Variants in SCAP observed in about 807,000 individuals in gnomAD.
SCAP encodes the protein sterol regulatory element-binding protein cleavage-activating protein.
A neutral mutation model predicts 123.6 loss-of-function variants in SCAP; 65 were observed. The ratio of observed to expected loss-of-function variants is 0.53; its 90% CI spans 0.43 to 0.65. SCAP has a LOEUF of 0.65. Among genes scored for constraint, SCAP ranks in the 30% least tolerant of loss-of-function variants. The probability of loss-of-function intolerance (pLI) is 0.00; values close to 1 mark genes in which losing one functional copy is unlikely to be tolerated. For synonymous variants in SCAP, 740 were observed against 726.3 expected, an observed-to-expected ratio of 1.02 and a Z score of -0.30; for missense variants, 1,398 against 1,712.5, an observed-to-expected ratio of 0.82 and a Z score of 3.24.
At chr3:47,461,556 C>T (rs979711028) in intron 1 of SCAP, among the ~76,000 whole-genome samples, 8 of 152,142 alleles carry the variant, frequency 5.3e-5, no homozygotes, top group African/African-American at 1.4e-4. Context: ...TGGGATCCTC[C>T]AGCACAATAT....
chr3:47,470,929 A>G (rs1001485371), intron 1 of SCAP, among the ~76,000 whole-genome samples: 1 of 152,114 alleles, frequency 6.6e-6, no homozygotes, highest in Non-Finnish European at 1.5e-5. Context: ...CATTTACCCC[A>G]AAGTAACACC....
intron 1 of SCAP, among the ~76,000 whole-genome samples, chr3:47,465,494 C>T (rs1047552261): frequency 2.0e-5 from 3 of 152,170 alleles, no homozygotes; most frequent in African/African-American, 4.8e-5. Flanking sequence ...TGGCCAGGCA[C>T]GGTGGCCCAT....
At chr3:47,442,765 T>C (rs56260584) in intron 2 of SCAP, 107 bp downstream of exon 2, 11,759 of 945,264 alleles carry the variant, frequency 0.012, 104 homozygotes, top group Middle Eastern at 0.028. Flanking sequence ...CAAGCTCCCA[T>C]TGTGTAAAAA....
chr3:47,418,311 C>T lies in SCAP; in HGVS notation c.2331+10G>A, dbSNP rs1190916637. ...GCCCTCCCCTACCCGGCCACTGTGCCCCTGCTCACCATGAGGTGGCCGCGC... is the reference window on the plus strand; with the variant it reads ...GCCCTCCCCTACCCGGCCACTGTGCTCCTGCTCACCATGAGGTGGCCGCGC... On this transcript the variant is annotated intron_variant, in intron 15 of 22. Coordinates refer to ENST00000265565, the MANE Select transcript of SCAP (RefSeq NM_012235.4). 5 of 1,557,332 alleles carry T rather than the reference C, an allele frequency of 3.2e-6. No individual in the cohort carries two copies. Among genetic ancestry groups the T allele is most frequent in the Non-Finnish European group, 4.3e-6 (5 of 1,151,116 alleles).
intron 18 of SCAP, among the ~76,000 whole-genome samples, 180 bp downstream of exon 18, chr3:47,416,938 TTTAA>T (rs989781017): frequency 2.2e-4 from 33 of 152,194 alleles, no homozygotes; most frequent in Admixed American, 2.0e-3. Context: ...CCCTAACGCT[TTTAA>T]TTGTTACCTT....
intron 18 of SCAP, 132 bp from the exon 19 acceptor site, chr3:47,415,312 G>A: frequency 1.4e-6 from 1 of 733,618 alleles, no homozygotes; most frequent in Non-Finnish European, 2.1e-6. Flanking sequence ...AAAGCACATG[G>A]TGCCAGAACA....
At chr3:47,424,609 G>A (rs905713967) in intron 8 of SCAP, among the ~76,000 whole-genome samples, 7 of 152,222 alleles carry the variant, frequency 4.6e-5, no homozygotes, top group Non-Finnish European at 7.3e-5. Context: ...TGCGAGGAAC[G>A]CCAGCCAAGT....
At chr3:47,449,101 C>G (rs1707157820) in intron 1 of SCAP, among the ~76,000 whole-genome samples, 1 of 152,170 alleles carries the variant, frequency 6.6e-6, no homozygotes, top group South Asian at 2.1e-4. Context: ...TTTTCCCAAG[C>G]ATACCGTCCA....
intron 1 of SCAP, among the ~76,000 whole-genome samples, chr3:47,471,590 C>T (rs546935552): frequency 5.4e-4 from 82 of 152,176 alleles, no homozygotes; most frequent in African/African-American, 1.8e-3. Context: ...AGGCTGGTCT[C>T]GAACTCCTGA....
In SCAP at chr3:47,418,776, G is replaced by A. The variant is rs755746524; in HGVS notation, c.2008C>T (p.Arg670Trp). ...RLNPREALEGRHPQDGRSAWP... is the reference protein window; with the variant it reads ...RLNPREALEGWHPQDGRSAWP... ...GCACTGCGGCCGTCCTGAGGGTGCC[G>A]GCCCTCCAGAGCCTCCCTCGGGTTC... is the stretch of plus-strand genomic sequence containing the variant. Residue 670 changes from arginine to tryptophan, a missense_variant, in exon 14 of 23, where the codon CGG becomes TGG. Physicochemically the swap from Arg to Trp is moderately radical, Grantham distance 101. Transcript: ENST00000265565. The A allele has an allele frequency of 3.2e-6, 5 of 1,571,124 alleles. No homozygotes were observed. Among genetic ancestry groups the A allele is most frequent in the Admixed American group, 2.0e-5 (1 of 50,788 alleles).
intron 18 of SCAP, 28 bp from the exon 19 acceptor site, chr3:47,415,208 C>T (rs1287104700): frequency 1.3e-6 from 2 of 1,589,220 alleles, no homozygotes; most frequent in Non-Finnish European, 8.6e-7. Context: ...CTGCCAGGGG[C>T]CTCTCCCTTA....
intron 1 of SCAP, chr3:47,469,902 T>C (rs963641651): frequency 5.9e-6 from 3 of 508,330 alleles, no homozygotes; most frequent in South Asian, 3.2e-5. Context: ...ACAGATTCAC[T>C]GAATCCTTGA....
intron 3 of SCAP, among the ~76,000 whole-genome samples, chr3:47,431,400 T>C (rs1227388046): frequency 1.4e-5 from 2 of 143,774 alleles, no homozygotes; most frequent in Non-Finnish European, 1.5e-5. Context: ...AGTGAAATTC[T>C]TAACCAAAGT....
Position 47,469,263 on chromosome 3 carries a change from G to A in SCAP, c.-99+6536C>T, listed in dbSNP as rs564926603. ...CTTGGTAAGCTGAGACAGAAGAATC[G>A]CTTGAACCGGGAGGCAAAGGTTGCG... On this transcript the variant is annotated intron_variant, in intron 1 of 22. Transcript: ENST00000265565. Among the ~76,000 whole-genome samples the A allele has an allele frequency of 3.9e-5, 6 of 152,276 alleles. No individual in the cohort carries two copies. In the East Asian group the frequency reaches 7.7e-4, roughly 20 times the overall value.
In SCAP at chr3:47,462,987, T is replaced by C. The variant is rs1004549536; in HGVS notation, c.-99+12812A>G. On this transcript the variant is annotated intron_variant, in intron 1 of 22. Transcript: ENST00000265565. Reference sequence around the variant, plus strand: ...CATCTGTTTGCTGATGTCTCTTACATACACACCTCTCAAGCCTCTCCCCTA... The same window carrying C: ...CATCTGTTTGCTGATGTCTCTTACACACACACCTCTCAAGCCTCTCCCCTA... 2.6e-5 allele frequency among the ~76,000 whole-genome samples: 4 copies of C among 152,056 alleles called. No individual in the cohort carries two copies. In the East Asian group the frequency reaches 5.8e-4, roughly 22 times the overall value.
chr3:47,417,529 C>T lies in SCAP; in HGVS notation c.2745G>A (p.Leu915=). 6.4e-7 allele frequency: 1 copy of T among 1,565,400 alleles called. No homozygotes were observed. The highest frequency in any genetic ancestry group is 1.2e-5 in the South Asian group (1 of 85,660). Residue 915 remains leucine, a synonymous_variant, in exon 17 of 23, where the codon CTG becomes CTA. Coordinates refer to ENST00000265565, the MANE Select transcript of SCAP (RefSeq NM_012235.4). The part of the protein sequence containing the change: ...RDSPGYDFSC[L]VQRVYQEEGL... ...CCTCCTCCTGGTACACCCGCTGCAC[C>T]AGGCAGCTGAAGTCATAGCCTGGGG...
intron 14 of SCAP, 52 bp downstream of exon 14, chr3:47,418,603 C>G: frequency 1.3e-6 from 2 of 1,537,456 alleles, no homozygotes; most frequent in East Asian, 4.7e-5. Flanking sequence ...CTCTTGCCTA[C>G]CCGTCCCCCT....
chr3:47,469,882 G>T (rs1707967586), intron 1 of SCAP: 2 of 529,606 alleles, frequency 3.8e-6, no homozygotes, highest in East Asian at 1.1e-4. Flanking sequence ...ATTGGAACAA[G>T]AAATTAGCCA....
chr3:47,474,009 TA>T (rs1192249671), intron 1 of SCAP, among the ~76,000 whole-genome samples: 1 of 152,148 alleles, frequency 6.6e-6, no homozygotes, highest in Non-Finnish European at 1.5e-5. Context: ...CTCACGCCTG[TA>T]ATCCCAGCAC....
Sources: allele counts gnomAD v4.1 joint callset (sites outside exome capture counted in the v4.1 genomes callset), GRCh38; gene constraint gnomAD v4.1.1; transcripts MANE v1.5; gene names NCBI Gene and HGNC (gene_info 2026-07-23, HGNC 2026-07-21).